PLEKHA5: variants seen among roughly 807,000 people sequenced by gnomAD.
PLEKHA5 encodes pleckstrin homology domain containing A5.
PLEKHA5 carries 55 observed loss-of-function variants against 181.9 expected under a neutral mutation model. The observed-to-expected ratio is 0.30, with a 90% confidence interval of 0.24 to 0.38. The LOEUF (loss-of-function observed/expected upper bound fraction) is 0.38, where lower values mean the gene tolerates loss of function less well. Among genes scored for constraint, PLEKHA5 ranks in the 10% least tolerant of loss-of-function variants. The pLI is 1.00. For synonymous variants in PLEKHA5, 535 were observed against 529.4 expected, an observed-to-expected ratio of 1.01 and a Z score of -0.15; for missense variants, 1,432 against 1,549.5, an observed-to-expected ratio of 0.92 and a Z score of 1.27.
chr12:19,176,512 G>A (rs1388459536), intron 3 of PLEKHA5: 1 of 151,988 alleles, frequency 6.6e-6, no homozygotes, highest in African/African-American at 2.4e-5. Flanking sequence ...CTGCAGCCCG[G>A]AACTTTTGGA....
At chr12:19,343,916 G>A (rs1465526330) in intron 22 of PLEKHA5, among the ~76,000 whole-genome samples, 1 of 152,102 alleles carries the variant, frequency 6.6e-6, no homozygotes, top group Non-Finnish European at 1.5e-5. Context: ...GCCAGGCATG[G>A]TGGCGCATGC....
rs140129301 is a variant in PLEKHA5 at position 19,155,608 on chromosome 12, A to C, written c.227+23158A>C. 9.9e-3 allele frequency among the ~76,000 whole-genome samples: 1,513 copies of C among 152,318 alleles called. 17 individuals carry two copies. The highest frequency in any genetic ancestry group is 0.034 in the African/African-American group (1,427 of 41,572). ...TCTGCAATTGAAGGTAACAGTTTTA[A>C]AGTGTTAACCATAGTCTTGGACATA... On this transcript the variant is annotated intron_variant, in intron 3 of 31. Transcript: ENST00000429027.
intron 21 of PLEKHA5, among the ~76,000 whole-genome samples, chr12:19,341,746 C>G (rs1209474121): frequency 7.7e-6 from 1 of 129,088 alleles, no homozygotes; most frequent in Non-Finnish European, 1.7e-5. Context: ...TTTTTTTTTC[C>G]CCCTGTGACA....
At chr12:19,265,614 C>T in intron 7 of PLEKHA5, 136 bp from the exon 8 acceptor site, 1 of 572,528 alleles carries the variant, frequency 1.7e-6, no homozygotes, top group South Asian at 2.4e-5. Flanking sequence ...CATTTAAAAC[C>T]TTATAAAGGC....
chr12:19,329,196 C>A (rs560011439), intron 20 of PLEKHA5, among the ~76,000 whole-genome samples: 1 of 152,208 alleles, frequency 6.6e-6, no homozygotes, highest in South Asian at 2.1e-4. Flanking sequence ...CCTATTTTAT[C>A]ATGGTGAATT....
chr12:19,181,295 T>C (rs545689477), intron 3 of PLEKHA5, among the ~76,000 whole-genome samples: 33 of 152,190 alleles, frequency 2.2e-4, no homozygotes, highest in Non-Finnish European at 4.4e-4. Context: ...TTAAATGAAG[T>C]AGAACAACAG....
chr12:19,295,930 C>G (rs902305730), intron 15 of PLEKHA5, among the ~76,000 whole-genome samples: 2 of 152,200 alleles, frequency 1.3e-5, no homozygotes, highest in Non-Finnish European at 2.9e-5. Context: ...GAAAATATCT[C>G]TTTTAAAAAT....
rs1323106468 is a variant in PLEKHA5 at position 19,220,577 on chromosome 12, T to C, written c.228-33363T>C. Among the ~76,000 whole-genome samples, 5 of 152,302 alleles carry C rather than the reference T, an allele frequency of 3.3e-5. No individual in the cohort carries two copies. The East Asian group carries it at 7.7e-4, about 24-fold the overall frequency. The stretch of plus-strand genomic sequence containing the variant: ...CTATGGTGTGCACTATTTCTATGAA[T>C]GTACATTAATATCTTTAATCCCTTC... On this transcript the variant is annotated intron_variant, in intron 3 of 31. Transcript: ENST00000429027.
At chr12:19,362,190 AAG>A (rs1381044287) in intron 29 of PLEKHA5, among the ~76,000 whole-genome samples, 7 of 121,914 alleles carry the variant, frequency 5.7e-5, no homozygotes, top group African/African-American at 1.9e-4. Context: ...AAAAAAAAAA[AAG>A]GCATAATAAC....
Position 19,260,444 on chromosome 12 carries a change from G to A in PLEKHA5, c.538-505G>A, listed in dbSNP as rs531604258. 4.6e-5 allele frequency among the ~76,000 whole-genome samples: 7 copies of A among 152,192 alleles called. No individual in the cohort carries two copies. In the East Asian group the frequency reaches 9.6e-4, roughly 21 times the overall value. On this transcript the variant is annotated intron_variant, in intron 6 of 31. Transcript: ENST00000429027. ...ATTCCTTTTGCATGATGGTATTTTC[G>A]GAGACCAGTCTAGTTGGGAATATCT...
At chr12:19,213,696 C>G (rs1439980874) in intron 3 of PLEKHA5, among the ~76,000 whole-genome samples, 1 of 152,082 alleles carries the variant, frequency 6.6e-6, no homozygotes, top group African/African-American at 2.4e-5. Flanking sequence ...GGATTTTAAA[C>G]TGTGGCAGTG....
intron 15 of PLEKHA5, among the ~76,000 whole-genome samples, chr12:19,297,874 T>C (rs573522214): frequency 6.6e-6 from 1 of 151,960 alleles, no homozygotes; most frequent in East Asian, 1.9e-4. Flanking sequence ...GTACATTTTT[T>C]AAAAAACAAT....
chr12:19,295,117 C>G (rs1293767457), intron 15 of PLEKHA5, among the ~76,000 whole-genome samples: 1 of 152,144 alleles, frequency 6.6e-6, no homozygotes, highest in Non-Finnish European at 1.5e-5. Context: ...AAAGTAGAAC[C>G]TGTATACATA....
intron 9 of PLEKHA5, 74 bp downstream of exon 9, chr12:19,269,959 C>A: frequency 1.3e-6 from 1 of 797,556 alleles, no homozygotes; most frequent in East Asian, 2.5e-5. Context: ...ATTTCACTGT[C>A]ATAGTACATA....
intron 3 of PLEKHA5, among the ~76,000 whole-genome samples, chr12:19,157,372 A>G (rs971646720): frequency 1.3e-5 from 2 of 152,112 alleles, no homozygotes; most frequent in Non-Finnish European, 2.9e-5. Context: ...TATTTTGTTG[A>G]TGGTCATTAT....
intron 22 of PLEKHA5, among the ~76,000 whole-genome samples, chr12:19,345,579 C>T (rs1377655238): frequency 6.6e-6 from 1 of 151,844 alleles, no homozygotes; most frequent in African/African-American, 2.4e-5. Context: ...GCCTGACCAA[C>T]ACGGTGAAAC....
At chr12:19,331,858 A>G (rs2092874229) in intron 20 of PLEKHA5, among the ~76,000 whole-genome samples, 1 of 152,108 alleles carries the variant, frequency 6.6e-6, no homozygotes, top group Non-Finnish European at 1.5e-5. Flanking sequence ...CCTCAAGTTT[A>G]CAGAAGATTA....
chr12:19,295,306 A>G (rs2079482605), intron 15 of PLEKHA5, among the ~76,000 whole-genome samples: 1 of 152,202 alleles, frequency 6.6e-6, no homozygotes, highest in African/African-American at 2.4e-5. Context: ...AAATGCATGT[A>G]CTGAATGGAT....
At chr12:19,134,093 T>C (rs2034870807) in intron 3 of PLEKHA5, among the ~76,000 whole-genome samples, 1 of 152,080 alleles carries the variant, frequency 6.6e-6, no homozygotes, top group African/African-American at 2.4e-5. Flanking sequence ...CTTGGATGAA[T>C]GTTTATTTGA....
Sources: gnomAD v4.1 joint callset for allele counts (sites outside exome capture counted in the v4.1 genomes callset) on GRCh38, gnomAD v4.1.1 for gene constraint, MANE v1.5 for transcripts, NCBI Gene and HGNC (gene_info 2026-07-23, HGNC 2026-07-21) for gene names.